The following SLAMF6 variants were observed in gnomAD, a reference collection of about 807,000 sequenced individuals.
SLAMF6 encodes the protein SLAM family member 6.
A neutral mutation model predicts 38.3 loss-of-function variants in SLAMF6; 21 were observed. The observed-to-expected ratio is 0.55, with a 90% CI of 0.39 to 0.79. SLAMF6 has a LOEUF of 0.79. SLAMF6 is among the 30% of genes least tolerant of loss of function. The pLI is 0.00. For missense variants in SLAMF6, 341 were observed against 385.3 expected (o/e 0.89, Z 0.96); for synonymous variants, 152 against 146.3 (o/e 1.04, Z -0.28).
Position 160,487,143 on chromosome 1 carries a change from A to G in SLAMF6, c.912T>C (p.Asp304=). 2 of 1,613,476 alleles carry G rather than the reference A, an allele frequency of 1.2e-6. No homozygotes were observed. The highest frequency in any genetic ancestry group is 8.5e-7 in the Non-Finnish European group (1 of 1,179,802). Residue 304 remains aspartate (D), a synonymous_variant, in exon 7 of 8, where the codon GAT becomes GAC. Coordinates refer to ENST00000368057, the MANE Select transcript of SLAMF6 (RefSeq NM_001184714.2). ...TAATTGTGGAGTAAATTGTGATAGT[A>G]TCATTTTCTCTAGGTGTCCAGATTT... is the stretch of plus-strand genomic sequence containing the variant. ...ETEIWTPREN[D]TITIYSTINH... is the part of the protein sequence containing the mutation.
At chr1:160,502,017 C>T (rs1347179402) in intron 1 of SLAMF6, among the ~76,000 whole-genome samples, 2 of 152,092 alleles carry the variant, frequency 1.3e-5, no homozygotes, top group Non-Finnish European at 2.9e-5. Context: ...GTTTAAAAGA[C>T]CCTGCATGAG....
intron 1 of SLAMF6, 114 bp downstream of exon 1, chr1:160,523,030 G>A (rs186675825): frequency 2.7e-5 from 30 of 1,130,204 alleles, no homozygotes; most frequent in African/African-American, 1.1e-4. Flanking sequence ...CCCCTTTCCC[G>A]CCCCAATCCC....
At chr1:160,500,582 C>A (rs1653833661) in intron 1 of SLAMF6, among the ~76,000 whole-genome samples, 1 of 152,132 alleles carries the variant, frequency 6.6e-6, no homozygotes, top group Non-Finnish European at 1.5e-5. Context: ...TTGGATTTAC[C>A]ATCTAGTACT....
intron 1 of SLAMF6, among the ~76,000 whole-genome samples, chr1:160,496,914 T>C (rs1376466698): frequency 1.3e-5 from 2 of 152,220 alleles, no homozygotes; most frequent in Non-Finnish European, 1.5e-5. Flanking sequence ...TATTATTTCA[T>C]TGACGCTGAC....
intron 1 of SLAMF6, among the ~76,000 whole-genome samples, chr1:160,509,573 C>G (rs941324693): frequency 6.6e-6 from 1 of 152,016 alleles, no homozygotes; most frequent in African/African-American, 2.4e-5. Flanking sequence ...TTGATGGGTG[C>G]AGCAAACCAA....
intron 2 of SLAMF6, among the ~76,000 whole-genome samples, chr1:160,491,704 G>A (rs772510639): frequency 2.0e-4 from 31 of 152,146 alleles, no homozygotes; most frequent in Non-Finnish European, 2.9e-4. Context: ...TTATCCCTGG[G>A]TTCCCTTCTA....
At chr1:160,506,699 A>G (rs3898642) in intron 1 of SLAMF6, among the ~76,000 whole-genome samples, 129,763 of 152,176 alleles carry the variant, frequency 0.85, 55,989 homozygotes, top group Non-Finnish European at 0.93. Flanking sequence ...TGAGTAAAAC[A>G]ATAATTATAA....
intron 1 of SLAMF6, among the ~76,000 whole-genome samples, chr1:160,511,963 C>T (rs796714364): frequency 1.3e-5 from 2 of 152,322 alleles, no homozygotes; most frequent in African/African-American, 4.8e-5. Flanking sequence ...CTACCCCACC[C>T]AGGAAACCAT....
intron 1 of SLAMF6, among the ~76,000 whole-genome samples, chr1:160,522,412 G>A (rs748916608): frequency 2.1e-4 from 32 of 152,068 alleles, no homozygotes; most frequent in Non-Finnish European, 3.8e-4. Flanking sequence ...ATTTCCATTG[G>A]TCTCCTGGAC....
intron 1 of SLAMF6, among the ~76,000 whole-genome samples, chr1:160,497,477 T>A (rs1001156321): frequency 2.0e-5 from 3 of 152,190 alleles, no homozygotes. Context: ...AACAATTACC[T>A]CAACCTTCTC....
intron 1 of SLAMF6, among the ~76,000 whole-genome samples, chr1:160,497,557 T>C (rs1163242776): frequency 1.3e-5 from 2 of 152,168 alleles, no homozygotes; most frequent in Non-Finnish European, 2.9e-5. Flanking sequence ...TGTGCAGATT[T>C]GTTACATGGG....
chr1:160,508,532 G>T (rs1654310423), intron 1 of SLAMF6, among the ~76,000 whole-genome samples: 1 of 152,162 alleles, frequency 6.6e-6, no homozygotes, highest in African/African-American at 2.4e-5. Context: ...AGACTTAAAT[G>T]TTAGACCTAA....
At chr1:160,514,075 G>C (rs367790750) in intron 1 of SLAMF6, among the ~76,000 whole-genome samples, 1 of 152,108 alleles carries the variant, frequency 6.6e-6, no homozygotes, top group Non-Finnish European at 1.5e-5. Flanking sequence ...AGAATGGCAA[G>C]CTGGGTAAAT....
intron 1 of SLAMF6, among the ~76,000 whole-genome samples, chr1:160,503,068 G>C (rs971900921): frequency 3.3e-5 from 5 of 152,146 alleles, no homozygotes; most frequent in African/African-American, 1.2e-4. Context: ...TAAGTGAAGA[G>C]GTTAGTCTTG....
intron 1 of SLAMF6, among the ~76,000 whole-genome samples, chr1:160,502,903 A>G (rs917723430): frequency 6.6e-6 from 1 of 152,196 alleles, no homozygotes; most frequent in Non-Finnish European, 1.5e-5. Flanking sequence ...AGAAGGTAGG[A>G]CAAATGGAAG....
At chr1:160,494,160 C>T (rs960654966) in intron 2 of SLAMF6, among the ~76,000 whole-genome samples, 1 of 152,138 alleles carries the variant, frequency 6.6e-6, no homozygotes, top group African/African-American at 2.4e-5. Flanking sequence ...ATAACTTATA[C>T]CTTGAAATTC....
Position 160,512,589 on chromosome 1 carries a change from T to C in SLAMF6, c.49+10555A>G, listed in dbSNP as rs544044861. On this transcript the variant is annotated intron_variant, in intron 1 of 7. Coordinates refer to ENST00000368057, the MANE Select transcript of SLAMF6 (RefSeq NM_001184714.2). ...CCCCAGCAGGGGTTACCAGACACTT[T>C]ATACAGGAGCACTCCCACTGTCATC... Among the ~76,000 whole-genome samples the C allele has an allele frequency of 2.6e-5, 4 of 152,262 alleles. No individual in the cohort carries two copies. In the South Asian group the frequency reaches 8.3e-4, roughly 32 times the overall value.
chr1:160,485,579 G>C lies in SLAMF6; in HGVS notation c.*1128C>G, dbSNP rs1241031214. 1 of 152,248 alleles carries C rather than the reference G, an allele frequency of 6.6e-6. No individual in the cohort carries two copies. The highest frequency in any genetic ancestry group is 1.5e-5 in the Non-Finnish European group (1 of 68,114). 9.4% of individuals were successfully genotyped at this position (152,248 alleles called of 1,614,324 possible). A position where few individuals can be genotyped will look rare whatever the true frequency, so the allele number is the denominator to read the frequency against. ...GGTAATGCTAGCTGAGGCTGGAGGT[G>C]GGCCAGACCATCCAGGGCCATGGAA... On this transcript the variant is annotated 3_prime_UTR_variant, in exon 8 of 8. Coordinates refer to ENST00000368057, the MANE Select transcript of SLAMF6 (RefSeq NM_001184714.2).
At chr1:160,516,013 G>C (rs199672734) in intron 1 of SLAMF6, among the ~76,000 whole-genome samples, 1 of 152,236 alleles carries the variant, frequency 6.6e-6, no homozygotes, top group South Asian at 2.1e-4. Context: ...GGGCAATCAG[G>C]CAAGAGAAAG....
Sources: allele counts gnomAD v4.1 joint callset (sites outside exome capture counted in the v4.1 genomes callset), GRCh38; gene constraint gnomAD v4.1.1; transcripts MANE v1.5; gene names NCBI Gene and HGNC (gene_info 2026-07-23, HGNC 2026-07-21).